ZNF410: variants seen among roughly 807,000 people sequenced by gnomAD.
ZNF410 encodes the protein another partner for ARF 1.
In ZNF410, 18 loss-of-function variants were observed where a neutral mutation model predicts 54.8. The observed-to-expected ratio is 0.33, with a 90% CI of 0.23 to 0.49. The LOEUF (loss-of-function observed/expected upper bound fraction) is 0.49. ZNF410 is among the 20% of genes least tolerant of loss of function. The pLI is 0.99. For synonymous variants in ZNF410, 191 were observed against 207.3 expected (o/e 0.92, Z 0.68); for missense variants, 405 against 569.6 (o/e 0.71, Z 2.94).
rs202112670 is a variant in ZNF410 at position 73,893,886 on chromosome 14, C to T, written c.123C>T (p.Leu41=). 5.6e-6 allele frequency: 9 copies of T among 1,614,074 alleles called. No individual in the cohort carries two copies. The highest frequency in any genetic ancestry group is 5.9e-6 in the Non-Finnish European group (7 of 1,180,000). ...CTAAAGATATTACTTGCTTGTCCCT[C>T]CTTCCCGTGACTGAAGCCTCAGAAT... ...SEAKDITCLS[L]LPVTEASECS... Residue 41 remains leucine (L), a synonymous_variant, in exon 3 of 12, where the codon CTC becomes CTT. Transcript: ENST00000555044.
intron 7 of ZNF410, among the ~76,000 whole-genome samples, chr14:73,906,004 CTT>C (rs1248865870): frequency 8.7e-6 from 1 of 114,662 alleles, no homozygotes; most frequent in Non-Finnish European, 1.7e-5. Flanking sequence ...TACACACATA[CTT>C]TTTTTTTTTT....
At chr14:73,905,640 A>G (rs1228468355) in intron 7 of ZNF410, 1 of 152,188 alleles carries the variant, frequency 6.6e-6, no homozygotes, top group Non-Finnish European at 1.5e-5. Flanking sequence ...CTCTTAATCT[A>G]AGAGTCTAAG....
intron 1 of ZNF410, chr14:73,887,337 A>C (rs1320905170): frequency 1.3e-5 from 2 of 152,212 alleles, no homozygotes; most frequent in East Asian, 1.9e-4. Context: ...GTTTCAGTCC[A>C]GAGCTACCCT....
intron 8 of ZNF410, 182 bp downstream of exon 8, chr14:73,909,612 G>GT: frequency 1.0e-5 from 5 of 498,654 alleles, no homozygotes; most frequent in African/African-American, 1.9e-5. Flanking sequence ...AAGGTTGGGG[G>GT]GGGGACATCT....
chr14:73,903,558 C>T (rs2055438912), intron 5 of ZNF410: 1 of 167,294 alleles, frequency 6.0e-6, no homozygotes, highest in Non-Finnish European at 1.3e-5. Context: ...GGTGCAGTCA[C>T]AGCTCACTAT....
intron 8 of ZNF410, among the ~76,000 whole-genome samples, chr14:73,919,717 T>G (rs2055725878): frequency 1.3e-5 from 2 of 152,166 alleles, no homozygotes; most frequent in South Asian, 4.1e-4. Flanking sequence ...ATTCCATGTC[T>G]TTGCTGTTGT....
chr14:73,908,969 A>C (rs560411999), intron 7 of ZNF410, among the ~76,000 whole-genome samples: 1 of 152,314 alleles, frequency 6.6e-6, no homozygotes, highest in South Asian at 2.1e-4. Flanking sequence ...ATGGATCTAC[A>C]AACTGAGTCA....
chr14:73,929,734 T>C (rs1349465838), intron 11 of ZNF410, among the ~76,000 whole-genome samples: 1 of 151,952 alleles, frequency 6.6e-6, no homozygotes, highest in African/African-American at 2.4e-5. Flanking sequence ...AGAGGATCAC[T>C]TGGGCCCAGG....
At chr14:73,892,905 C>A (rs1190514925) in intron 2 of ZNF410, among the ~76,000 whole-genome samples, 1 of 152,092 alleles carries the variant, frequency 6.6e-6, no homozygotes, top group African/African-American at 2.4e-5. Context: ...ATGGTGAAAC[C>A]CTGTCTCTAC....
intron 8 of ZNF410, chr14:73,913,972 C>G (rs1200794207): frequency 1.3e-5 from 2 of 152,132 alleles, no homozygotes; most frequent in African/African-American, 2.4e-5. Context: ...CATAAAAGAT[C>G]ATGTCATCTG....
chr14:73,908,397 T>TTA (rs2055525106), intron 7 of ZNF410, among the ~76,000 whole-genome samples: 2 of 152,160 alleles, frequency 1.3e-5, no homozygotes, highest in Admixed American at 6.6e-5. Context: ...ATTTGTTCTG[T>TTA]TATATATATT....
At chr14:73,924,185 C>T (rs891526953) in intron 11 of ZNF410, among the ~76,000 whole-genome samples, 3 of 152,164 alleles carry the variant, frequency 2.0e-5, no homozygotes, top group Non-Finnish European at 2.9e-5. Flanking sequence ...TTCGTTTCAC[C>T]TCAGGTCATC....
At chr14:73,924,831 C>G in intron 11 of ZNF410, 1 of 335,874 alleles carries the variant, frequency 3.0e-6, no homozygotes, top group Non-Finnish European at 5.7e-6. Flanking sequence ...TGCGTGCCAC[C>G]ACGCCCAGCT....
chr14:73,928,780 C>T (rs550490038), intron 11 of ZNF410, among the ~76,000 whole-genome samples: 8 of 152,018 alleles, frequency 5.3e-5, no homozygotes, highest in Non-Finnish European at 1.2e-4. Context: ...CCTGTCTCTA[C>T]AAAAAGTTTT....
chr14:73,906,412 T>A (rs2140307931), intron 7 of ZNF410: 1 of 152,274 alleles, frequency 6.6e-6, no homozygotes, highest in South Asian at 2.1e-4. Flanking sequence ...GATAACTCAC[T>A]ACCTTCAGAC....
rs1491231212 is a variant in ZNF410, at chr14:73,905,991, A to ATATATATATATATATATATG, written c.913+912_913+913insTATATATATATATATGTATA. Among the ~76,000 whole-genome samples, 996 of 140,852 alleles carry ATATATATATATATATATATG rather than the reference A, an allele frequency of 7.1e-3. 11 individuals carry two copies. Among genetic ancestry groups the ATATATATATATATATATATG allele is most frequent in the African/African-American group, 9.5e-3 (341 of 36,000 alleles). The allele number at this position is 140,852 out of a possible 152,430, so 92.4% of individuals were successfully genotyped here. On this transcript the variant is annotated intron_variant, in intron 7 of 11. Transcript: ENST00000555044. ...CACATATATATATATATATATATAT[A>ATATATATATATATATATATG]TATACACACATACTTTTTTTTTTTT... is the stretch of plus-strand genomic sequence containing the variant.
At chr14:73,894,330 T>C (rs556925815) in intron 3 of ZNF410, 37 of 702,090 alleles carry the variant, frequency 5.3e-5, no homozygotes, top group Non-Finnish European at 8.8e-5. Context: ...AAATAGGGAC[T>C]AAAAGGACTC....
chr14:73,926,800 G>A (rs996395093), intron 11 of ZNF410, among the ~76,000 whole-genome samples: 10 of 152,106 alleles, frequency 6.6e-5, no homozygotes. Flanking sequence ...GACTCCTTTT[G>A]TTAATATTAA....
At chr14:73,924,557 G>A (rs1359946651) in intron 11 of ZNF410, 2 of 359,890 alleles carry the variant, frequency 5.6e-6, no homozygotes, top group Non-Finnish European at 1.1e-5. Context: ...TGTCATGGGA[G>A]TGGATGACTT....
Sources: gnomAD v4.1 joint callset for allele counts (sites outside exome capture counted in the v4.1 genomes callset) on GRCh38, gnomAD v4.1.1 for gene constraint, MANE v1.5 for transcripts, NCBI Gene and HGNC (gene_info 2026-07-23, HGNC 2026-07-21) for gene names.